FGF14: variants seen among roughly 807,000 people sequenced by gnomAD.
FGF14 encodes fibroblast growth factor homologous factor 4.
Under a neutral mutation model 25.5 loss-of-function variants are expected in FGF14, and 5 were observed. The ratio of observed to expected loss-of-function variants is 0.20; its 90% confidence interval spans 0.10 to 0.41. The LOEUF is 0.41. FGF14 is among the 10% of genes least tolerant of loss of function. FGF14 has a pLI of 1.00. For synonymous variants in FGF14, 138 were observed against 118.3 expected (o/e 1.17, Z -1.08); for missense variants, 222 against 320.1 (o/e 0.69, Z 2.34).
intron 1 of FGF14, among the ~76,000 whole-genome samples, chr13:101,938,130 A>G (rs551659707): frequency 2.6e-5 from 4 of 152,340 alleles, no homozygotes; most frequent in East Asian, 3.9e-4. Flanking sequence ...TGCTGCCTGC[A>G]TTGACATCAG....
chr13:102,048,974 C>T (rs2042105688), intron 1 of FGF14, among the ~76,000 whole-genome samples: 1 of 152,068 alleles, frequency 6.6e-6, no homozygotes, highest in Non-Finnish European at 1.5e-5. Flanking sequence ...TGCTGTATTT[C>T]AGCTGATAAT....
chr13:101,796,586 A>T (rs2040536142), intron 3 of FGF14, among the ~76,000 whole-genome samples: 1 of 152,116 alleles, frequency 6.6e-6, no homozygotes, highest in East Asian at 1.9e-4. Flanking sequence ...GACAAATACG[A>T]TCATGAAGAT....
At chr13:102,350,084 A>C (rs1434778210) in intron 1 of FGF14, among the ~76,000 whole-genome samples, 1 of 152,258 alleles carries the variant, frequency 6.6e-6, no homozygotes, top group Non-Finnish European at 1.5e-5. Context: ...ATTCATTAAT[A>C]ATAAATTAAC....
chr13:102,387,434 C>T (rs1156548622), intron 1 of FGF14, among the ~76,000 whole-genome samples: 1 of 151,964 alleles, frequency 6.6e-6, no homozygotes, highest in African/African-American at 2.4e-5. Flanking sequence ...ACTAGAGCCA[C>T]AGCAGCATGC....
At chr13:101,958,835 T>C (rs1222892080) in intron 1 of FGF14, among the ~76,000 whole-genome samples, 1 of 152,194 alleles carries the variant, frequency 6.6e-6, no homozygotes, top group African/African-American at 2.4e-5. Flanking sequence ...TCACTGCGCC[T>C]CCACCAAAAT....
At chr13:102,005,497 G>A (rs2039735999) in intron 1 of FGF14, among the ~76,000 whole-genome samples, 1 of 152,142 alleles carries the variant, frequency 6.6e-6, no homozygotes. Flanking sequence ...AATATGCTAT[G>A]TATGTTTTTC....
chr13:102,268,423 A>G (rs1015727582), intron 1 of FGF14, among the ~76,000 whole-genome samples: 1 of 152,148 alleles, frequency 6.6e-6, no homozygotes, highest in East Asian at 1.9e-4. Flanking sequence ...TTATACTATG[A>G]TATCATTTGA....
chr13:101,874,171 T>C (rs1594567103), intron 2 of FGF14, among the ~76,000 whole-genome samples: 1 of 152,026 alleles, frequency 6.6e-6, no homozygotes, highest in African/African-American at 2.4e-5. Flanking sequence ...CACTGGAATT[T>C]AAAAAAGGAA....
intron 1 of FGF14, among the ~76,000 whole-genome samples, chr13:102,012,191 CAGAAG>C (rs2040116215): frequency 6.6e-6 from 1 of 151,688 alleles, no homozygotes; most frequent in Non-Finnish European, 1.5e-5. Flanking sequence ...TGGAAATGGA[CAGAAG>C]AGAAGGAGGG....
chr13:102,128,760 GC>G (rs1386556048), intron 1 of FGF14, among the ~76,000 whole-genome samples: 3 of 152,286 alleles, frequency 2.0e-5, no homozygotes, highest in African/African-American at 7.2e-5. Context: ...ACATAGGCAG[GC>G]TTTTCAGTAA....
chr13:102,206,640 C>A (rs2049939349), intron 1 of FGF14, among the ~76,000 whole-genome samples: 1 of 152,114 alleles, frequency 6.6e-6, no homozygotes. Flanking sequence ...CAGATGGCAC[C>A]ACTGCACTCC....
At position 102,199,131 on chromosome 13, in the gene FGF14, G is replaced by T. The variant is rs148093461; in HGVS notation, c.208+202340C>A. 1.2e-3 allele frequency among the ~76,000 whole-genome samples: 186 copies of T among 152,262 alleles called. 3 individuals are homozygous for T. In the East Asian group the frequency reaches 0.032, roughly 27 times the overall value. On this transcript the variant is annotated intron_variant, in intron 1 of 4. Transcript: ENST00000376131. ...GGTTCTTAGTTTTATTATCTTTGCT[G>T]TGAGTCACTAATATTGCTTCATAGT...
chr13:101,853,431 T>A (rs1422275695), intron 3 of FGF14, among the ~76,000 whole-genome samples: 1 of 151,928 alleles, frequency 6.6e-6, no homozygotes, highest in Non-Finnish European at 1.5e-5. Context: ...AATACTTCAG[T>A]GTATTATTTA....
At chr13:102,310,705 GGGGGT>G (rs200089277) in intron 1 of FGF14, among the ~76,000 whole-genome samples, 3,122 of 61,572 alleles carry the variant, frequency 0.051, 362 homozygotes, top group East Asian at 0.19. Context: ...GTGGGGGGGG[GGGGGT>G]GGGGGTTGTT....
At chr13:102,097,375 G>A (rs1374011815) in intron 1 of FGF14, among the ~76,000 whole-genome samples, 1 of 152,172 alleles carries the variant, frequency 6.6e-6, no homozygotes, top group African/African-American at 2.4e-5. Flanking sequence ...ATCCCTTGGT[G>A]AAGCTGTCTG....
intron 1 of FGF14, among the ~76,000 whole-genome samples, chr13:102,104,986 CTG>C (rs36001466): frequency 0.39 from 59,282 of 151,954 alleles, 13,888 homozygotes; most frequent in Non-Finnish European, 0.53. Context: ...GTAGCAAGGA[CTG>C]TGTCCAGAAA....
At chr13:102,248,744 C>T (rs1030172704) in intron 1 of FGF14, among the ~76,000 whole-genome samples, 3 of 152,054 alleles carry the variant, frequency 2.0e-5, no homozygotes, top group Admixed American at 6.6e-5. Flanking sequence ...ATACACAAAA[C>T]ATATTACATG....
intron 3 of FGF14, among the ~76,000 whole-genome samples, chr13:101,742,597 T>C (rs1373401859): frequency 1.3e-5 from 2 of 152,154 alleles, no homozygotes; most frequent in African/African-American, 4.8e-5. Flanking sequence ...TTGAATTTCA[T>C]GAGGATTGGC....
chr13:101,730,787 G>A (rs945645738), intron 3 of FGF14, among the ~76,000 whole-genome samples: 1 of 152,172 alleles, frequency 6.6e-6, no homozygotes, highest in African/African-American at 2.4e-5. Context: ...GTAGATACAG[G>A]AGTGAGGAAA....
Sources: gnomAD v4.1 joint callset for allele counts (sites outside exome capture counted in the v4.1 genomes callset) on GRCh38, gnomAD v4.1.1 for gene constraint, MANE v1.5 for transcripts, NCBI Gene and HGNC (gene_info 2026-07-23, HGNC 2026-07-21) for gene names.